Variants in FARP2 observed in about 807,000 individuals in gnomAD.
FARP2 encodes FERM, ARH/RhoGEF and pleckstrin domain protein 2, also known as FERM, ARHGEF and pleckstrin domain-containing protein 2.
Under a neutral mutation model 130.5 loss-of-function variants are expected in FARP2, and 111 were observed. The ratio of observed to expected loss-of-function variants is 0.85; its 90% CI spans 0.73 to 1.00. The LOEUF (loss-of-function observed/expected upper bound fraction) is 1.00, where lower values mean the gene tolerates loss of function less well. FARP2 is among the 50% of genes least tolerant of loss of function. The pLI, the probability that FARP2 is intolerant of heterozygous loss-of-function variation, is 0.00. For missense variants in FARP2, 1,385 were observed against 1,346.3 expected (o/e 1.03, Z -0.45); for synonymous variants, 504 against 516.9 (o/e 0.98, Z 0.34).
Position 241,494,288 on chromosome 2 carries a change from T to C in FARP2, c.*163T>C, listed in dbSNP as rs2065044143. The C allele has an allele frequency of 2.4e-6, 1 of 423,988 alleles. No individual in the cohort carries two copies. The highest frequency in any genetic ancestry group is 2.0e-5 in the African/African-American group (1 of 48,786). The allele number at this position is 423,988 out of a possible 1,614,324, so 26.3% of individuals were successfully genotyped here. On this transcript the variant is annotated 3_prime_UTR_variant, in exon 27 of 27. Coordinates refer to ENST00000264042, the MANE Select transcript of FARP2 (RefSeq NM_014808.4). This position sits in a 1 kb window ranked among gnomAD's most constrained non-coding sequence, Gnocchi z 4.9. ...GCCTCATGTAACATCTGGGAGGGGC[T>C]TCATCCCCCCACCCAGGACCTAGTG...
chr2:241,451,024 C>A (rs2063644550), intron 13 of FARP2, among the ~76,000 whole-genome samples: 1 of 152,176 alleles, frequency 6.6e-6, no homozygotes, highest in Non-Finnish European at 1.5e-5. Context: ...CTGATCATGG[C>A]TCACTGCAGC....
At chr2:241,360,052 C>A (rs940745398) in intron 1 of FARP2, among the ~76,000 whole-genome samples, 5 of 152,150 alleles carry the variant, frequency 3.3e-5, no homozygotes, top group Admixed American at 6.5e-5. Flanking sequence ...CTCTACCACC[C>A]TCACTTTACT....
intron 5 of FARP2, 151 bp downstream of exon 5, chr2:241,407,766 G>T: frequency 1.7e-6 from 1 of 594,914 alleles, no homozygotes. Context: ...GAAGCATGTT[G>T]GCAGTTGACC....
intron 2 of FARP2, among the ~76,000 whole-genome samples, chr2:241,386,276 G>A (rs2061781283): frequency 6.6e-6 from 1 of 152,044 alleles, no homozygotes; most frequent in African/African-American, 2.4e-5. Context: ...TTAGAGATGG[G>A]GTCCCGCTGT....
chr2:241,366,125 A>ATATATATATATACATATATATATACG (rs56659405), intron 1 of FARP2, among the ~76,000 whole-genome samples: 29 of 67,368 alleles, frequency 4.3e-4, no homozygotes, highest in Non-Finnish European at 4.2e-4. Flanking sequence ...ATATATACGT[A>ATATATATATATACATATATATATACG]TATATATATA....
At chr2:241,483,949 CAT>C (rs1415516258) in intron 20 of FARP2, 48 of 1,298,012 alleles carry the variant, frequency 3.7e-5, no homozygotes, top group Non-Finnish European at 4.2e-5. Context: ...CAGCCTGAAA[CAT>C]GTGGATGAGG....
chr2:241,357,474 T>C (rs1226193909), intron 1 of FARP2, among the ~76,000 whole-genome samples: 2 of 152,196 alleles, frequency 1.3e-5, no homozygotes, highest in Non-Finnish European at 2.9e-5. Flanking sequence ...AGTTTTGTTT[T>C]GTTTTGTTTT....
rs2063779599 is a variant in FARP2, at chr2:241,454,462, C to G, written c.1412-2285C>G. ...AGCTTCTAGACTTTTTCCGAATTCTCATCACATAAAATATCTCCTTGTGAA... is the reference window on the plus strand; with the variant it reads ...AGCTTCTAGACTTTTTCCGAATTCTGATCACATAAAATATCTCCTTGTGAA... On this transcript the variant is annotated intron_variant, in intron 13 of 26. Transcript: ENST00000264042. Among the ~76,000 whole-genome samples, 4 of 152,200 alleles carry G rather than the reference C, an allele frequency of 2.6e-5. No homozygotes were observed. In the South Asian group the frequency reaches 8.3e-4, roughly 32 times the overall value.
intron 7 of FARP2, among the ~76,000 whole-genome samples, chr2:241,417,108 C>T (rs1574781122): frequency 6.6e-6 from 1 of 152,058 alleles, no homozygotes; most frequent in African/African-American, 2.4e-5. Flanking sequence ...TGAGACCAGC[C>T]CGGCCAACAT....
chr2:241,384,583 C>G (rs10200846), intron 2 of FARP2, among the ~76,000 whole-genome samples: 5,218 of 152,272 alleles, frequency 0.034, 292 homozygotes, highest in African/African-American at 0.12. Context: ...AAAATACATT[C>G]CTTCTTAATC....
At chr2:241,401,930 C>T (rs1305317703) in intron 2 of FARP2, among the ~76,000 whole-genome samples, 7 of 152,114 alleles carry the variant, frequency 4.6e-5, no homozygotes, top group African/African-American at 1.7e-4. Flanking sequence ...TCTGGGATTA[C>T]AGGCGTGCAC....
At chr2:241,438,621 G>GT (rs374807842) in intron 12 of FARP2, among the ~76,000 whole-genome samples, 21,855 of 139,472 alleles carry the variant, frequency 0.16, 2,036 homozygotes, top group Admixed American at 0.32. Context: ...AAACTCTCTG[G>GT]TTTTTTTTTT....
intron 8 of FARP2, among the ~76,000 whole-genome samples, 190 bp from the exon 9 acceptor site, chr2:241,431,489 A>G (rs1280520952): frequency 6.6e-6 from 1 of 152,190 alleles, no homozygotes; most frequent in South Asian, 2.1e-4. Context: ...AAAAAATTAA[A>G]TTATCTTTCT....
chr2:241,451,029 T>G (rs912156569), intron 13 of FARP2, among the ~76,000 whole-genome samples: 12 of 152,206 alleles, frequency 7.9e-5, no homozygotes, highest in African/African-American at 2.9e-4. Context: ...CATGGCTCAC[T>G]GCAGCCTTGA....
At chr2:241,467,764 G>T (rs13026988) in intron 17 of FARP2, among the ~76,000 whole-genome samples, 6 of 152,014 alleles carry the variant, frequency 3.9e-5, no homozygotes, top group Non-Finnish European at 7.4e-5. Context: ...GGCAGGACTC[G>T]GGTGGGCTTT....
At chr2:241,478,996 GAC>G (rs1164792951) in intron 19 of FARP2, 22 of 495,144 alleles carry the variant, frequency 4.4e-5, no homozygotes, top group Non-Finnish European at 3.8e-6. Context: ...GGATGTGAGG[GAC>G]ACAGTATTGA....
chr2:241,394,203 C>T (rs577397930), intron 2 of FARP2, among the ~76,000 whole-genome samples: 1 of 152,166 alleles, frequency 6.6e-6, no homozygotes, highest in East Asian at 1.9e-4. Context: ...TGTTTTAAGT[C>T]GAGAAGATTT....
intron 17 of FARP2, chr2:241,466,292 G>T (rs2064167498): frequency 2.0e-6 from 2 of 985,332 alleles, no homozygotes. Context: ...CCGGAGTAGT[G>T]CTTGTCTTGG....
At chr2:241,415,940 C>A (rs749347438) in intron 7 of FARP2, among the ~76,000 whole-genome samples, 1 of 150,736 alleles carries the variant, frequency 6.6e-6, no homozygotes, top group Non-Finnish European at 1.5e-5. Flanking sequence ...GCACTTATGT[C>A]GAGAAGCCTG....
Sources: allele counts gnomAD v4.1 joint callset (sites outside exome capture counted in the v4.1 genomes callset), GRCh38; gene constraint gnomAD v4.1.1; non-coding constraint Gnocchi (gnomAD v3.1); transcripts MANE v1.5; gene names NCBI Gene and HGNC (gene_info 2026-07-23, HGNC 2026-07-21).